VPS35L: variants seen among roughly 807,000 people sequenced by gnomAD.
VPS35L encodes VPS35 endosomal protein sorting factor like.
A neutral mutation model predicts 133.0 loss-of-function variants in VPS35L; 83 were observed. The ratio of observed to expected loss-of-function variants is 0.62; its 90% CI spans 0.52 to 0.75. VPS35L has a LOEUF of 0.75. VPS35L is among the 30% of genes least tolerant of loss of function. VPS35L has a pLI of 0.00. For synonymous variants in VPS35L, 423 were observed against 449.9 expected (o/e 0.94, Z 0.76); for missense variants, 1,083 against 1,206.8 (o/e 0.90, Z 1.52).
At chr16:19,618,708 A>G (rs1341946629) in intron 14 of VPS35L, among the ~76,000 whole-genome samples, 1 of 152,096 alleles carries the variant, frequency 6.6e-6, no homozygotes, top group African/African-American at 2.4e-5. Context: ...TTTATCTGTA[A>G]AATGGGAGCA....
chr16:19,685,707 T>C (rs1975433690), intron 28 of VPS35L, among the ~76,000 whole-genome samples: 1 of 152,214 alleles, frequency 6.6e-6, no homozygotes, highest in African/African-American at 2.4e-5. Context: ...TCAGCTGTTC[T>C]AGGAGTGGAG....
chr16:19,633,048 C>A lies in VPS35L; in HGVS notation c.1555-44C>A, dbSNP rs773021377. ...CCCCCAGGAACATGGTCAGCAGTTGCCATACAGTGTCTAATTCAGGTTTGG... is the reference window on the plus strand; with the variant it reads ...CCCCCAGGAACATGGTCAGCAGTTGACATACAGTGTCTAATTCAGGTTTGG... On this transcript the variant is annotated intron_variant, in intron 18 of 30. Transcript: ENST00000417362. The surrounding 1 kb of genome is among the most constrained non-coding windows in gnomAD (Gnocchi z 4.1). 6.7e-7 allele frequency: 1 copy of A among 1,493,304 alleles called. No individual in the cohort carries two copies. Among genetic ancestry groups the A allele is most frequent in the Non-Finnish European group, 9.3e-7 (1 of 1,070,044 alleles). The allele number at this position is 1,493,304 out of a possible 1,614,324, so 92.5% of individuals were successfully genotyped here.
Position 19,633,125 on chromosome 16 carries a change from A to C in VPS35L, c.1588A>C (p.Ile530Leu). 6.2e-7 allele frequency: 1 copy of C among 1,614,200 alleles called. No individual in the cohort carries two copies. The highest frequency in any genetic ancestry group is 8.5e-7 in the Non-Finnish European group (1 of 1,180,036). The part of the protein sequence containing the change: ...REVNTVLADV[I>L]KHMTPDRAFE... ...GGTGAATACCGTTTTGGCAGATGTC[A>C]TCAAGCACATGACTCCAGATCGTGC... The change falls in exon 19 of 31, where the codon ATC becomes CTC. Residue 530 changes from isoleucine to leucine, a missense_variant. Physicochemically the swap from Ile to Leu is conservative, Grantham distance 5. Coordinates refer to ENST00000417362, the MANE Select transcript of VPS35L (RefSeq NM_020314.7). The surrounding 1 kb of genome is among the most constrained non-coding windows in gnomAD (Gnocchi z 4.1).
intron 2 of VPS35L, among the ~76,000 whole-genome samples, chr16:19,566,373 G>A (rs1971189725): frequency 6.6e-6 from 1 of 152,162 alleles, no homozygotes; most frequent in African/African-American, 2.4e-5. Context: ...GCATATGCCT[G>A]TAGTCCCAAC....
intron 28 of VPS35L, among the ~76,000 whole-genome samples, chr16:19,684,982 C>G (rs1010375109): frequency 2.7e-5 from 4 of 150,662 alleles, no homozygotes; most frequent in African/African-American, 9.8e-5. Context: ...CGCTTGAGCT[C>G]AGGAGGCTGC....
Position 19,629,790 on chromosome 16 carries a change from G to C in VPS35L, c.1524G>C (p.Val508=), listed in dbSNP as rs750027678. 14 of 1,613,824 alleles carry C rather than the reference G, an allele frequency of 8.7e-6. No homozygotes were observed. The East Asian group carries it at 3.1e-4, about 36-fold the overall frequency. ...NPQDYINCAE[V]WVEYTCKHFT... is the part of the protein sequence containing the mutation. ...AGGACTACATTAATTGTGCCGAAGT[G>C]TGGGTGGAATACACCTGCAAGCATT... The change falls in exon 18 of 31, where the codon GTG becomes GTC. Residue 508 remains valine (V), a synonymous_variant. Coordinates refer to ENST00000417362, the MANE Select transcript of VPS35L (RefSeq NM_020314.7).
At chr16:19,560,794 T>TAAA (rs886766290) in intron 1 of VPS35L, among the ~76,000 whole-genome samples, 5 of 142,986 alleles carry the variant, frequency 3.5e-5, no homozygotes, top group Non-Finnish European at 6.1e-5. Flanking sequence ...ATACTCTGTC[T>TAAA]AAAAAAAAAA....
chr16:19,649,177 GATGAGGTTTCACC>G (rs1385164249), intron 24 of VPS35L, among the ~76,000 whole-genome samples: 1 of 151,950 alleles, frequency 6.6e-6, no homozygotes, highest in Admixed American at 6.6e-5. Flanking sequence ...TTTTAGTAGA[GATGAGGTTTCACC>G]ATGTTGGCCA....
chr16:19,612,127 C>T (rs925040506), intron 12 of VPS35L, among the ~76,000 whole-genome samples: 2 of 151,822 alleles, frequency 1.3e-5, no homozygotes, highest in African/African-American at 4.8e-5. Flanking sequence ...TTAGTAGAGA[C>T]GGGGTTTCAC....
rs1238702238 is a variant in VPS35L at position 19,629,834 on chromosome 16, T to C, written c.1554+14T>C. On this transcript the variant is annotated intron_variant, in intron 18 of 30. Coordinates refer to ENST00000417362, the MANE Select transcript of VPS35L (RefSeq NM_020314.7). ...AAGCATTTCACGGTATGTGTGACTG[T>C]GGTATTGTTTTTGAAAGAATTAGAT... The C allele has an allele frequency of 1.2e-6, 2 of 1,611,780 alleles. No individual in the cohort carries two copies. Among genetic ancestry groups the C allele is most frequent in the East Asian group, 2.2e-5 (1 of 44,854 alleles).
At chr16:19,685,124 G>A (rs1205035542) in intron 28 of VPS35L, among the ~76,000 whole-genome samples, 2 of 151,790 alleles carry the variant, frequency 1.3e-5, no homozygotes, top group African/African-American at 2.4e-5. Flanking sequence ...ATAGAGCTCA[G>A]TGAATTGTCA....
At chr16:19,692,475 A>G (rs889294648) in intron 29 of VPS35L, among the ~76,000 whole-genome samples, 3 of 152,350 alleles carry the variant, frequency 2.0e-5, no homozygotes, top group Admixed American at 6.5e-5. Flanking sequence ...GTGATGAAAC[A>G]GCAGAGATTC....
Position 19,627,692 on chromosome 16 carries a change from A to C in VPS35L, c.1272-2A>C. On this transcript the variant is annotated splice_acceptor_variant, in intron 15 of 30. Transcript: ENST00000417362. LOFTEE classifies it high-confidence loss of function. ...GCTGACTTGGGGATCTGTGTCTTGCAGTGCCTTGCTGTTGAATTCTGTGAT... is the reference window on the plus strand; with the variant it reads ...GCTGACTTGGGGATCTGTGTCTTGCCGTGCCTTGCTGTTGAATTCTGTGAT... The C allele has an allele frequency of 6.2e-7, 1 of 1,609,038 alleles. No individual in the cohort carries two copies. The highest frequency in any genetic ancestry group is 1.1e-5 in the South Asian group (1 of 90,992).
chr16:19,642,215 T>C (rs1439894570), intron 21 of VPS35L, among the ~76,000 whole-genome samples, 181 bp from the exon 22 acceptor site: 8 of 152,098 alleles, frequency 5.3e-5, no homozygotes, highest in African/African-American at 1.9e-4. Context: ...GTCTCAAAAG[T>C]TTAAAAAAGA....
chr16:19,613,876 G>A (rs1013082840), intron 12 of VPS35L, among the ~76,000 whole-genome samples: 12 of 152,158 alleles, frequency 7.9e-5, no homozygotes, highest in Non-Finnish European at 5.9e-5. Flanking sequence ...CAATGGGGGG[G>A]ATGAATGCTG....
At chr16:19,653,162 C>A (rs1178728879) in intron 26 of VPS35L, among the ~76,000 whole-genome samples, 1 of 152,130 alleles carries the variant, frequency 6.6e-6, no homozygotes, top group Non-Finnish European at 1.5e-5. Context: ...AGGATATTAA[C>A]CCCCTGGCAT....
chr16:19,566,376 G>T (rs1454586967), intron 2 of VPS35L, among the ~76,000 whole-genome samples: 17 of 152,070 alleles, frequency 1.1e-4, no homozygotes, highest in Admixed American at 1.1e-3. Context: ...TATGCCTGTA[G>T]TCCCAACTAC....
Position 19,691,475 on chromosome 16 carries a change from G to A in VPS35L, c.2646+4G>A, listed in dbSNP as rs1211342828. The stretch of plus-strand genomic sequence containing the variant: ...GAAAACCCTGGCCAAGGACGAGGTG[G>A]GTGCCCTCTGCTGTCCTCCACCCGC... On this transcript the variant is annotated splice_donor_region_variant and intron_variant, in intron 29 of 30. Coordinates refer to ENST00000417362, the MANE Select transcript of VPS35L (RefSeq NM_020314.7). The A allele has an allele frequency of 1.9e-6, 3 of 1,609,208 alleles. No individual in the cohort carries two copies. The highest frequency in any genetic ancestry group is 2.6e-6 in the Non-Finnish European group (3 of 1,175,688).
At chr16:19,660,838 C>T (rs1974459179) in intron 26 of VPS35L, among the ~76,000 whole-genome samples, 1 of 152,090 alleles carries the variant, frequency 6.6e-6, no homozygotes, top group South Asian at 2.1e-4. Flanking sequence ...ATTTGAAAAA[C>T]TTCCAACCAT....
Sources: gnomAD v4.1 joint callset for allele counts (sites outside exome capture counted in the v4.1 genomes callset) on GRCh38, gnomAD v4.1.1 for gene constraint, Gnocchi (gnomAD v3.1) non-coding constraint, MANE v1.5 for transcripts, NCBI Gene and HGNC (gene_info 2026-07-23, HGNC 2026-07-21) for gene names.